RARS1: variants seen among roughly 807,000 people sequenced by gnomAD.
RARS1 encodes the protein arginyl-tRNA synthetase 1, also known as arginine--tRNA ligase, cytoplasmic.
In RARS1, 75 loss-of-function variants were observed where a neutral mutation model predicts 78.7. That is an observed-to-expected ratio of 0.95 (90% CI 0.79 to 1.15). The LOEUF (loss-of-function observed/expected upper bound fraction) is 1.15. Among genes scored for constraint, RARS1 ranks in the 50% most tolerant of loss-of-function variants. RARS1 has a pLI of 0.00. For synonymous variants in RARS1, 273 were observed against 268.2 expected (o/e 1.02, Z -0.18); for missense variants, 787 against 787.5 (o/e 1.00, Z 0.01).
intron 2 of RARS1, among the ~76,000 whole-genome samples, chr5:168,489,727 A>G (rs576153512): frequency 3.4e-4 from 52 of 151,844 alleles, no homozygotes; most frequent in Middle Eastern, 3.4e-3. Flanking sequence ...CTCTGCAGGC[A>G]TTACATCCTT....
intron 5 of RARS1, 92 bp downstream of exon 5, chr5:168,494,742 G>T: frequency 1.1e-6 from 1 of 928,878 alleles, no homozygotes; most frequent in East Asian, 2.5e-5. Flanking sequence ...AGCTACTTGG[G>T]AGGCTGAAGC....
chr5:168,501,887 T>TA (rs1758332547), intron 8 of RARS1, 114 bp from the exon 9 acceptor site: 3 of 1,400,994 alleles, frequency 2.1e-6, no homozygotes, highest in Middle Eastern at 2.6e-4. Context: ...TTTATGTAAT[T>TA]AATTTCCTTT....
At chr5:168,496,628 G>A (rs575071495) in intron 6 of RARS1, among the ~76,000 whole-genome samples, 7 of 151,464 alleles carry the variant, frequency 4.6e-5, no homozygotes, top group South Asian at 2.1e-4. Context: ...GACTACAGGC[G>A]CCCACCACCA....
At chr5:168,494,911 A>T (rs913208438) in intron 5 of RARS1, 3 of 381,300 alleles carry the variant, frequency 7.9e-6, no homozygotes, top group Middle Eastern at 7.6e-4. Context: ...CCGGGAATGG[A>T]TTTCACTTTT....
chr5:168,506,867 C>T (rs1334053479), intron 11 of RARS1, 36 bp downstream of exon 11: 3 of 1,479,120 alleles, frequency 2.0e-6, no homozygotes, highest in Admixed American at 3.5e-5. Context: ...TAATGATATA[C>T]TTGATCCCAA....
chr5:168,503,587 T>A (rs1053439990), intron 9 of RARS1, among the ~76,000 whole-genome samples: 1 of 148,864 alleles, frequency 6.7e-6, no homozygotes, highest in South Asian at 2.1e-4. Flanking sequence ...ATATTTTTTG[T>A]TGTGGTTTTG....
chr5:168,488,712 G>C lies in RARS1; in HGVS notation c.156G>C (p.Lys52Asn). 1 of 1,610,060 alleles carries C rather than the reference G, an allele frequency of 6.2e-7. No homozygotes were observed. Among genetic ancestry groups the C allele is most frequent in the South Asian group, 1.1e-5 (1 of 90,082 alleles). ...EQLQEENLKLKYRLNILRKSL... is the reference protein window; with the variant it reads ...EQLQEENLKLNYRLNILRKSL... ...TACAAGAAGAAAATTTAAAATTAAA[G>C]TATCGACTGAATATTCTTCGAAAGG... Residue 52 changes from lysine to asparagine, a missense_variant, in exon 2 of 15, where the codon AAG (lysine) becomes AAC (asparagine). Lys to Asn is a moderately conservative substitution (Grantham distance 94, BLOSUM62 0). Coordinates refer to ENST00000231572, the MANE Select transcript of RARS1 (RefSeq NM_002887.4).
At chr5:168,516,151 A>G (rs1209264023) in intron 12 of RARS1, among the ~76,000 whole-genome samples, 1 of 152,118 alleles carries the variant, frequency 6.6e-6, no homozygotes, top group African/African-American at 2.4e-5. Context: ...GCTTGTGTTG[A>G]TGCTCTCTAG....
intron 2 of RARS1, 50 bp from the exon 3 acceptor site, chr5:168,492,609 G>C: frequency 7.1e-7 from 1 of 1,409,222 alleles, no homozygotes; most frequent in Non-Finnish European, 9.8e-7. Context: ...CATCTTGTAT[G>C]ATGATGGTTT....
chr5:168,494,608 A>G lies in RARS1; in HGVS notation c.537A>G (p.Leu179=), dbSNP rs774291104. 5 of 1,610,118 alleles carry G rather than the reference A, an allele frequency of 3.1e-6. No individual in the cohort carries two copies. The highest frequency in any genetic ancestry group is 1.3e-5 in the African/African-American group (1 of 74,958). The change falls in exon 5 of 15, where the codon CTA becomes CTG. Residue 179 remains leucine, a synonymous_variant. Coordinates refer to ENST00000231572, the MANE Select transcript of RARS1 (RefSeq NM_002887.4). ...DFVSEQLTSL[L]VNGVQLPALG... ...TATCAGAACAATTGACCAGTCTTCT[A>G]GTGAATGGAGTTCAACTACCTGCTC... is the stretch of plus-strand genomic sequence containing the variant.
In RARS1 at chr5:168,492,819, A is replaced by G. The variant is rs1370929039; in HGVS notation, c.341A>G (p.Gln114Arg). 6.2e-7 allele frequency: 1 copy of G among 1,612,726 alleles called. No homozygotes were observed. The highest frequency in any genetic ancestry group is 1.3e-5 in the African/African-American group (1 of 74,918). Reference sequence around the variant, plus strand: ...CAGCAGGCCAAGTTTGGGGACTATCAGTGTAATAGTGCTATGGGTATTTCT... The same window carrying G: ...CAGCAGGCCAAGTTTGGGGACTATCGGTGTAATAGTGCTATGGGTATTTCT... ...PSQQAKFGDY[Q>R]CNSAMGISQM... is the part of the protein sequence containing the mutation. The change falls in exon 3 of 15, where the codon CAG becomes CGG. Residue 114 changes from glutamine (Q) to arginine (R), a missense_variant. Physicochemically the swap from Gln to Arg is conservative, Grantham distance 43. Coordinates refer to ENST00000231572, the MANE Select transcript of RARS1 (RefSeq NM_002887.4).
At chr5:168,495,026 C>G in intron 5 of RARS1, 1 of 334,710 alleles carries the variant, frequency 3.0e-6, no homozygotes, top group Non-Finnish European at 5.1e-6. Context: ...TCACTTAATT[C>G]CACAAGGCAT....
chr5:168,499,108 A>G (rs1465241886), intron 7 of RARS1, among the ~76,000 whole-genome samples: 1 of 152,164 alleles, frequency 6.6e-6, no homozygotes. Flanking sequence ...GCTTGAGTCC[A>G]GGAGTTCAAG....
chr5:168,518,206 C>G (rs1010247540), intron 14 of RARS1, 144 bp downstream of exon 14: 6 of 1,040,632 alleles, frequency 5.8e-6, no homozygotes, highest in Non-Finnish European at 7.7e-6. Context: ...ACTTGAGCCT[C>G]CCGAATGGCT....
intron 11 of RARS1, among the ~76,000 whole-genome samples, chr5:168,509,444 C>A (rs1002806470): frequency 1.4e-5 from 2 of 146,184 alleles, no homozygotes; most frequent in African/African-American, 5.0e-5. Context: ...AAACACCCCC[C>A]CCCCCCCACC....
At chr5:168,512,139 C>G (rs1758575246) in intron 12 of RARS1, among the ~76,000 whole-genome samples, 2 of 152,158 alleles carry the variant, frequency 1.3e-5, no homozygotes, top group Non-Finnish European at 2.9e-5. Flanking sequence ...GCATAAGCCA[C>G]CACACCCAGC....
intron 9 of RARS1, among the ~76,000 whole-genome samples, chr5:168,503,309 T>C (rs758887904): frequency 2.0e-5 from 3 of 152,208 alleles, no homozygotes; most frequent in Non-Finnish European, 2.9e-5. Flanking sequence ...CTTTCTCCAT[T>C]TGTTACTTGG....
chr5:168,488,516 T>G (rs1016666498), intron 1 of RARS1, 86 bp from the exon 2 acceptor site: 17 of 1,387,024 alleles, frequency 1.2e-5, no homozygotes, highest in African/African-American at 4.4e-5. Context: ...ACATTAATGA[T>G]TCCCATGGTC....
At chr5:168,493,383 G>T (rs1205935745) in intron 3 of RARS1, among the ~76,000 whole-genome samples, 1 of 152,142 alleles carries the variant, frequency 6.6e-6, no homozygotes, top group African/African-American at 2.4e-5. Flanking sequence ...AGGTCTTACA[G>T]TGTGGTTTAT....
Sources: gnomAD v4.1 joint callset for allele counts (sites outside exome capture counted in the v4.1 genomes callset) on GRCh38, gnomAD v4.1.1 for gene constraint, MANE v1.5 for transcripts, NCBI Gene and HGNC (gene_info 2026-07-23, HGNC 2026-07-21) for gene names.